Variants in ARHGAP15 observed in about 807,000 individuals in gnomAD.
ARHGAP15 encodes the protein Rho GTPase activating protein 15.
A neutral mutation model predicts 63.7 loss-of-function variants in ARHGAP15; 51 were observed. The observed-to-expected ratio is 0.80, with a 90% CI of 0.64 to 1.01. The LOEUF is 1.01. Ranked by LOEUF, ARHGAP15 falls within the 50% of genes least tolerant of loss-of-function variation. The pLI is 0.00. For synonymous variants in ARHGAP15, 191 were observed against 193.8 expected (o/e 0.99, Z 0.12); for missense variants, 560 against 564.6 (o/e 0.99, Z 0.08).
At chr2:143,663,927 C>T (rs1489688332) in intron 12 of ARHGAP15, among the ~76,000 whole-genome samples, 4 of 152,026 alleles carry the variant, frequency 2.6e-5, no homozygotes, top group Non-Finnish European at 5.9e-5. Context: ...CCTGAGTGAC[C>T]TACAAAGAGA....
At position 143,165,994 on chromosome 2, in the gene ARHGAP15, GAAAGAAA is replaced by G. The variant is rs1558787729; in HGVS notation, c.165+10340_165+10346del. Among the ~76,000 whole-genome samples the G allele has an allele frequency of 1.9e-4, 25 of 129,826 alleles. 1 individual carries two copies. The highest frequency in any genetic ancestry group is 3.3e-4 in the Non-Finnish European group (20 of 60,964). The allele number at this position is 129,826 out of a possible 152,430, so 85.2% of individuals were successfully genotyped here. On this transcript the variant is annotated intron_variant, in intron 2 of 13. Transcript: ENST00000295095. ...AGAAAGAAAGAAAGAAAGAAAGAAA[GAAAGAAA>G]GAAGGAAGGAAGGAAAAAAAGAAAG...
chr2:143,368,306 T>C (rs1686386646), intron 6 of ARHGAP15, among the ~76,000 whole-genome samples: 1 of 151,764 alleles, frequency 6.6e-6, no homozygotes, highest in African/African-American at 2.4e-5. Flanking sequence ...GCAAATAACA[T>C]TTCAGCTAAG....
At chr2:143,755,924 C>A (rs1221224982) in intron 13 of ARHGAP15, among the ~76,000 whole-genome samples, 1 of 152,000 alleles carries the variant, frequency 6.6e-6, no homozygotes, top group Admixed American at 6.6e-5. Flanking sequence ...TGAGATCTTG[C>A]CACTGCACTC....
chr2:143,567,410 C>G (rs1696273421), intron 11 of ARHGAP15, among the ~76,000 whole-genome samples: 1 of 152,178 alleles, frequency 6.6e-6, no homozygotes, highest in South Asian at 2.1e-4. Context: ...ACAACCCAGA[C>G]CCAGGAAAAC....
intron 8 of ARHGAP15, among the ~76,000 whole-genome samples, chr2:143,479,048 C>T (rs185639933): frequency 1.3e-5 from 2 of 152,176 alleles, no homozygotes; most frequent in Non-Finnish European, 2.9e-5. Context: ...TCTTTACAGG[C>T]ATTTTTACAA....
chr2:143,310,770 T>C (rs943530658), intron 6 of ARHGAP15, among the ~76,000 whole-genome samples: 10 of 152,030 alleles, frequency 6.6e-5, no homozygotes, highest in African/African-American at 2.4e-4. Flanking sequence ...TCTTTTCAGA[T>C]AAGTCAACTA....
intron 12 of ARHGAP15, among the ~76,000 whole-genome samples, chr2:143,626,393 C>T (rs1698835957): frequency 6.6e-6 from 1 of 152,056 alleles, no homozygotes; most frequent in Admixed American, 6.5e-5. Flanking sequence ...GGACGTGGTT[C>T]CTGCCGGTGG....
intron 11 of ARHGAP15, among the ~76,000 whole-genome samples, chr2:143,614,700 A>C (rs1698390970): frequency 6.6e-6 from 1 of 152,222 alleles, no homozygotes; most frequent in Admixed American, 6.5e-5. Context: ...AATTTCTTTG[A>C]GACAGAGATA....
At chr2:143,699,509 T>C (rs551896899) in intron 12 of ARHGAP15, among the ~76,000 whole-genome samples, 4 of 152,332 alleles carry the variant, frequency 2.6e-5, no homozygotes, top group Non-Finnish European at 5.9e-5. Flanking sequence ...GAATGTTTCT[T>C]ATAGGCAAAC....
At chr2:143,659,631 C>T (rs890343981) in intron 12 of ARHGAP15, among the ~76,000 whole-genome samples, 1 of 152,132 alleles carries the variant, frequency 6.6e-6, no homozygotes, top group Admixed American at 6.5e-5. Context: ...GTATCCCTTC[C>T]AAGCCACTAC....
chr2:143,499,672 T>C (rs1692969345), intron 9 of ARHGAP15, among the ~76,000 whole-genome samples: 1 of 152,138 alleles, frequency 6.6e-6, no homozygotes, highest in South Asian at 2.1e-4. Context: ...ATTGTGTCTA[T>C]TTCCCAGGCA....
chr2:143,698,956 T>C (rs558137798), intron 12 of ARHGAP15, among the ~76,000 whole-genome samples: 4 of 152,256 alleles, frequency 2.6e-5, no homozygotes, highest in African/African-American at 2.4e-5. Flanking sequence ...GAGAAAAACA[T>C]ATGCTGAAGG....
chr2:143,275,883 C>T (rs1437099590), intron 6 of ARHGAP15, among the ~76,000 whole-genome samples: 1 of 152,080 alleles, frequency 6.6e-6, no homozygotes, highest in Admixed American at 6.5e-5. Flanking sequence ...CTGGTGTGCC[C>T]TCACTTTGCC....
At chr2:143,337,097 G>A (rs1684807826) in intron 6 of ARHGAP15, among the ~76,000 whole-genome samples, 1 of 152,062 alleles carries the variant, frequency 6.6e-6, no homozygotes, top group Non-Finnish European at 1.5e-5. Flanking sequence ...TTTCGGTGAG[G>A]TGGAAAGGGC....
chr2:143,382,413 A>C (rs1687099419), intron 6 of ARHGAP15, among the ~76,000 whole-genome samples: 1 of 151,998 alleles, frequency 6.6e-6, no homozygotes, highest in Non-Finnish European at 1.5e-5. Context: ...GGATCATCCA[A>C]GCCTCTGCCT....
intron 9 of ARHGAP15, among the ~76,000 whole-genome samples, chr2:143,489,282 T>C (rs1032065666): frequency 9.2e-5 from 14 of 152,300 alleles, no homozygotes; most frequent in African/African-American, 2.6e-4. Flanking sequence ...ACCGAAGCAA[T>C]GGAACCGCTA....
At chr2:143,282,595 A>G (rs1574207609) in intron 6 of ARHGAP15, among the ~76,000 whole-genome samples, 2 of 150,200 alleles carry the variant, frequency 1.3e-5, no homozygotes, top group East Asian at 3.9e-4. Context: ...CCCACCAACA[A>G]CATGTGGGAA....
chr2:143,241,789 C>G (rs1338025321), intron 5 of ARHGAP15, among the ~76,000 whole-genome samples: 1 of 152,094 alleles, frequency 6.6e-6, no homozygotes, highest in Non-Finnish European at 1.5e-5. Flanking sequence ...GAATTAAGAG[C>G]CTGACTTTAT....
chr2:143,537,578 G>T (rs1472197492), intron 10 of ARHGAP15, among the ~76,000 whole-genome samples: 2 of 152,200 alleles, frequency 1.3e-5, no homozygotes, highest in Non-Finnish European at 2.9e-5. Flanking sequence ...AGGGGATCCA[G>T]TTTCAGCTTC....
Sources: allele counts gnomAD v4.1 joint callset (sites outside exome capture counted in the v4.1 genomes callset), GRCh38; gene constraint gnomAD v4.1.1; transcripts MANE v1.5; gene names NCBI Gene and HGNC (gene_info 2026-07-23, HGNC 2026-07-21).